The following GPM6A variants were observed in gnomAD, a reference collection of about 807,000 sequenced individuals.
The protein encoded by GPM6A is glycoprotein M6A, also known as neuronal membrane glycoprotein M6-a.
Under a neutral mutation model 32.1 loss-of-function variants are expected in GPM6A, and 7 were observed. The observed-to-expected ratio is 0.22, with a 90% CI of 0.12 to 0.41. The LOEUF is 0.41. GPM6A is among the 10% of genes least tolerant of loss of function. The pLI, the probability that GPM6A is intolerant of heterozygous loss-of-function variation, is 1.00. For synonymous variants in GPM6A, 130 were observed against 123.4 expected, an observed-to-expected ratio of 1.05 and a Z score of -0.35; for missense variants, 235 against 347.2, an observed-to-expected ratio of 0.68 and a Z score of 2.57.
At chr4:175,943,179 G>A (rs1352528340) in intron 1 of GPM6A, among the ~76,000 whole-genome samples, 3 of 152,130 alleles carry the variant, frequency 2.0e-5, no homozygotes, top group Non-Finnish European at 2.9e-5. Context: ...TTGGCTCTCT[G>A]TTTGTCTGTC....
intron 1 of GPM6A, among the ~76,000 whole-genome samples, chr4:175,861,667 C>T (rs1553996148): frequency 6.9e-6 from 1 of 144,576 alleles, no homozygotes; most frequent in Non-Finnish European, 1.5e-5. Context: ...ATGAGAATCA[C>T]TTGAATCTGG....
At chr4:175,947,006 T>C (rs1169264347) in intron 1 of GPM6A, among the ~76,000 whole-genome samples, 1 of 152,214 alleles carries the variant, frequency 6.6e-6, no homozygotes, top group African/African-American at 2.4e-5. Context: ...TTGAAAATGC[T>C]TCATTTATAG....
At chr4:175,781,317 G>T (rs909771869) in intron 1 of GPM6A, 1 of 152,194 alleles carries the variant, frequency 6.6e-6, no homozygotes, top group Non-Finnish European at 1.5e-5. Context: ...TGAAGGGAAG[G>T]GGGTGTCAGG....
intron 1 of GPM6A, among the ~76,000 whole-genome samples, chr4:175,848,028 T>C (rs1310896412): frequency 6.6e-6 from 1 of 152,154 alleles, no homozygotes; most frequent in Non-Finnish European, 1.5e-5. Flanking sequence ...ATCAAATTCT[T>C]TCATTCTCTC....
intron 1 of GPM6A, among the ~76,000 whole-genome samples, chr4:175,902,551 C>T (rs1015594629): frequency 1.3e-5 from 2 of 152,062 alleles, no homozygotes; most frequent in African/African-American, 2.4e-5. Context: ...AACATGGCAT[C>T]GGACAGGTAG....
At chr4:175,668,819 A>T (rs1289789218) in intron 3 of GPM6A, among the ~76,000 whole-genome samples, 3 of 152,202 alleles carry the variant, frequency 2.0e-5, no homozygotes, top group Non-Finnish European at 2.9e-5. Context: ...TCTTACTAAG[A>T]TGCAAAACAG....
At chr4:175,962,435 C>T in intron 1 of GPM6A, 1 of 701,574 alleles carries the variant, frequency 1.4e-6, no homozygotes, top group South Asian at 1.4e-5. Flanking sequence ...AAGCCTGCCA[C>T]CAACCTAGGA....
intron 1 of GPM6A, among the ~76,000 whole-genome samples, chr4:175,745,029 CA>C (rs1201655241): frequency 2.6e-5 from 4 of 152,006 alleles, no homozygotes; most frequent in African/African-American, 9.7e-5. Flanking sequence ...AAGGAAAGTG[CA>C]AATCGTTTTC....
intron 1 of GPM6A, among the ~76,000 whole-genome samples, chr4:175,749,438 A>G (rs1469419145): frequency 6.6e-6 from 1 of 152,104 alleles, no homozygotes; most frequent in African/African-American, 2.4e-5. Context: ...TTCAATTTAT[A>G]AAAAATGCAC....
At chr4:175,676,598 T>A (rs553471070) in intron 2 of GPM6A, among the ~76,000 whole-genome samples, 8 of 152,084 alleles carry the variant, frequency 5.3e-5, no homozygotes, top group Non-Finnish European at 8.8e-5. Flanking sequence ...ATTTAAAAAC[T>A]AGACAGTCTT....
At position 175,673,764 on chromosome 4, in the gene GPM6A, C is replaced by A; in HGVS notation, c.303G>T (p.Val101=). ...AFFVYGILLM[V]EGFFTTGAIK... ...TGGCCCCAGTTGTGAAGAAACCTTCCACCATCAGCAAAATGCCATACACAA... is the reference window on the plus strand; with the variant it reads ...TGGCCCCAGTTGTGAAGAAACCTTCAACCATCAGCAAAATGCCATACACAA... Residue 101 remains valine, a synonymous_variant, in exon 3 of 7, where the codon GTG becomes GTT. Coordinates refer to ENST00000393658, the MANE Select transcript of GPM6A (RefSeq NM_201591.3). 2 of 1,612,664 alleles carry A rather than the reference C, an allele frequency of 1.2e-6. No individual in the cohort carries two copies. Among genetic ancestry groups the A allele is most frequent in the Non-Finnish European group, 1.7e-6 (2 of 1,178,840 alleles).
chr4:175,836,885 G>A (rs1266892625), intron 1 of GPM6A, among the ~76,000 whole-genome samples: 3 of 152,140 alleles, frequency 2.0e-5, no homozygotes, highest in Admixed American at 6.5e-5. Context: ...GGCTTCACCA[G>A]GCATAGCAGG....
chr4:175,742,523 T>C (rs1356221815), intron 1 of GPM6A, among the ~76,000 whole-genome samples: 1 of 152,184 alleles, frequency 6.6e-6, no homozygotes, highest in Non-Finnish European at 1.5e-5. Flanking sequence ...TGAATTTCAC[T>C]GTATTAACAA....
intron 1 of GPM6A, among the ~76,000 whole-genome samples, chr4:175,885,601 A>T (rs1454790328): frequency 1.3e-5 from 2 of 152,216 alleles, no homozygotes; most frequent in Non-Finnish European, 2.9e-5. Context: ...ATTGAACTCC[A>T]GCCTAGGTGA....
At chr4:175,969,705 T>C (rs1740441559) in intron 1 of GPM6A, among the ~76,000 whole-genome samples, 1 of 152,116 alleles carries the variant, frequency 6.6e-6, no homozygotes, top group Non-Finnish European at 1.5e-5. Context: ...AGCAAAACTC[T>C]GCTCAAATAA....
At chr4:175,982,361 G>A (rs961229352) in intron 1 of GPM6A, among the ~76,000 whole-genome samples, 1 of 152,018 alleles carries the variant, frequency 6.6e-6, no homozygotes, top group African/African-American at 2.4e-5. Context: ...TCTCTTAAAA[G>A]CTTTGTAAGT....
chr4:175,990,634 G>A (rs958450976), intron 1 of GPM6A, among the ~76,000 whole-genome samples: 4 of 149,150 alleles, frequency 2.7e-5, no homozygotes, highest in Admixed American at 2.7e-4. Context: ...TGCTTTTGGG[G>A]GTGAAGTAGT....
chr4:175,957,879 G>A (rs969403855), intron 1 of GPM6A, among the ~76,000 whole-genome samples: 1 of 152,036 alleles, frequency 6.6e-6, no homozygotes, highest in Non-Finnish European at 1.5e-5. Context: ...TAATTGCTTT[G>A]TTCTGTTTTG....
At chr4:175,800,403 TTA>T (rs1338692887) in intron 1 of GPM6A, among the ~76,000 whole-genome samples, 2 of 152,172 alleles carry the variant, frequency 1.3e-5, no homozygotes, top group Admixed American at 6.5e-5. Context: ...TGAATGCAAA[TTA>T]TCCAAGCCAA....
Sources: gnomAD v4.1 joint callset for allele counts (sites outside exome capture counted in the v4.1 genomes callset) on GRCh38, gnomAD v4.1.1 for gene constraint, MANE v1.5 for transcripts, NCBI Gene and HGNC (gene_info 2026-07-23, HGNC 2026-07-21) for gene names.